Variants in WIPI1 observed in about 807,000 individuals in gnomAD.
The protein encoded by WIPI1 is WD repeat domain phosphoinositide-interacting protein 1.
WIPI1 carries 45 observed loss-of-function variants against 55.3 expected under a neutral mutation model. The ratio of observed to expected loss-of-function variants is 0.81; its 90% confidence interval spans 0.64 to 1.04. The LOEUF is 1.04. Among genes scored for constraint, WIPI1 ranks in the 50% least tolerant of loss-of-function variants. WIPI1 has a pLI of 0.00. For synonymous variants in WIPI1, 195 were observed against 217.6 expected (o/e 0.90, Z 0.92); for missense variants, 445 against 559.0 (o/e 0.80, Z 2.06).
intron 4 of WIPI1, chr17:68,440,910 A>C (rs1428672834): frequency 6.6e-6 from 1 of 152,256 alleles, no homozygotes; most frequent in Non-Finnish European, 1.5e-5. Flanking sequence ...AAAAATAGAA[A>C]GACATCTTCT....
chr17:68,433,569 C>T lies in WIPI1; in HGVS notation c.699G>A (p.Val233=), dbSNP rs1291343967. The T allele has an allele frequency of 1.9e-6, 3 of 1,613,450 alleles. No homozygotes were observed. Among genetic ancestry groups the T allele is most frequent in the Admixed American group, 1.7e-5 (1 of 59,936 alleles). Residue 233 remains valine, a synonymous_variant, in exon 8 of 13, where the codon GTG becomes GTA. Coordinates refer to ENST00000262139, the MANE Select transcript of WIPI1 (RefSeq NM_017983.7). ...YEFRRGMKRY[V]TISSLVFSMD... ...TACTGAACACTAGAGAGCTGATTGT[C>T]ACATACCTACAAGCACAGCAACACA...
At position 68,447,959 on chromosome 17, in the gene WIPI1, T is replaced by C. The variant is rs895253184; in HGVS notation, c.333+2769A>G. Among the ~76,000 whole-genome samples, 64 of 130,414 alleles carry C rather than the reference T, an allele frequency of 4.9e-4. 1 individual carries two copies. The highest frequency in any genetic ancestry group is 1.7e-3 in the African/African-American group (59 of 33,752). 85.6% of individuals were successfully genotyped at this position (130,414 alleles called of 152,430 possible). On this transcript the variant is annotated intron_variant, in intron 3 of 12. Transcript: ENST00000262139. ...GGTGAGCTGAGACTGCACTCCAGCC[T>C]GGGCAACAGAGTGAGACTCTATCTC... is the stretch of plus-strand genomic sequence containing the variant.
intron 12 of WIPI1, chr17:68,424,585 A>G (rs756367908): frequency 3.6e-5 from 18 of 499,554 alleles, no homozygotes; most frequent in Admixed American, 2.2e-4. Context: ...TGGCCCAAAC[A>G]CTACTTCCGG....
chr17:68,439,592 C>G (rs1250391202), intron 4 of WIPI1, among the ~76,000 whole-genome samples: 3 of 152,162 alleles, frequency 2.0e-5, no homozygotes, highest in Non-Finnish European at 4.4e-5. Context: ...GCTATTGAAC[C>G]ATGCATTTTA....
chr17:68,426,160 C>T lies in WIPI1; in HGVS notation c.1208G>A (p.Gly403Asp). ...AATAACTTCTCCTCGCAGCGCCCCG[C>T]CGTCCTCAGAATAACCTGGAAACCA... is the stretch of plus-strand genomic sequence containing the variant. The part of the protein sequence containing the change: ...ASTVPGYSED[G>D]GALRGEVIPE... Residue 403 changes from glycine (G) to aspartate (D), a missense_variant, in exon 12 of 13, where the codon GGC (glycine) becomes GAC (aspartate). Transcript: ENST00000262139. 6.2e-7 allele frequency: 1 copy of T among 1,608,746 alleles called. No individual in the cohort carries two copies. The highest frequency in any genetic ancestry group is 1.1e-5 in the South Asian group (1 of 90,992).
Position 68,437,012 on chromosome 17 carries a change from A to ATGTGTGTGTGTG in WIPI1, c.431-534_431-533insCACACACACACA, listed in dbSNP as rs1568637117. ...CCGTCTCAAAAAAAAAAAAATATAT[A>ATGTGTGTGTGTG]TATATGTGTGTGTGTGTGTGTGTGT... On this transcript the variant is annotated intron_variant, in intron 4 of 12. Coordinates refer to ENST00000262139, the MANE Select transcript of WIPI1 (RefSeq NM_017983.7). Among the ~76,000 whole-genome samples, 701 of 82,008 alleles carry ATGTGTGTGTGTG rather than the reference A, an allele frequency of 8.5e-3. 7 individuals carry two copies. Among genetic ancestry groups the ATGTGTGTGTGTG allele is most frequent in the African/African-American group, 0.031 (653 of 20,854 alleles). The allele number at this position is 82,008 out of a possible 152,430, so 53.8% of individuals were successfully genotyped here. A position where few individuals can be genotyped will look rare whatever the true frequency, so the allele number is the denominator to read the frequency against.
At chr17:68,445,881 G>A (rs2084264374) in intron 3 of WIPI1, among the ~76,000 whole-genome samples, 2 of 152,288 alleles carry the variant, frequency 1.3e-5, no homozygotes, top group East Asian at 3.9e-4. Context: ...GATGCCCAAG[G>A]AGCTGCCCAA....
intron 3 of WIPI1, 40 bp downstream of exon 3, chr17:68,450,688 T>C (rs1568651352): frequency 1.3e-6 from 2 of 1,569,092 alleles, no homozygotes; most frequent in Admixed American, 1.9e-5. Flanking sequence ...TGGCTCCCGT[T>C]AGCAGAAGCT....
chr17:68,429,926 A>T, intron 9 of WIPI1, 70 bp downstream of exon 9: 1 of 1,600,382 alleles, frequency 6.2e-7, no homozygotes, highest in Non-Finnish European at 8.5e-7. Context: ...AGGTTTGGGG[A>T]TTTTTGTGCT....
chr17:68,440,378 C>T (rs866001098), intron 4 of WIPI1, among the ~76,000 whole-genome samples: 2 of 152,172 alleles, frequency 1.3e-5, no homozygotes, highest in South Asian at 4.1e-4. Context: ...CTGCCAGTCT[C>T]CTCTTTCTGT....
At chr17:68,453,919 G>A (rs2148001133) in intron 1 of WIPI1, among the ~76,000 whole-genome samples, 1 of 152,276 alleles carries the variant, frequency 6.6e-6, no homozygotes, top group Middle Eastern at 3.4e-3. Flanking sequence ...CAGCTGGGAA[G>A]TTTAATTGGA....
At chr17:68,451,666 T>C (rs1047803286) in intron 2 of WIPI1, among the ~76,000 whole-genome samples, 11 of 152,238 alleles carry the variant, frequency 7.2e-5, no homozygotes, top group Non-Finnish European at 1.2e-4. Context: ...CTTCTTGTCC[T>C]GCTAGAGGGG....
chr17:68,448,592 C>G (rs749970955), intron 3 of WIPI1, among the ~76,000 whole-genome samples: 46 of 152,218 alleles, frequency 3.0e-4, no homozygotes, highest in Non-Finnish European at 4.7e-4. Flanking sequence ...TTCCTTGTCC[C>G]ATTTGCTAAT....
At chr17:68,434,286 C>T (rs1468173008) in intron 7 of WIPI1, among the ~76,000 whole-genome samples, 1 of 152,202 alleles carries the variant, frequency 6.6e-6, no homozygotes, top group Non-Finnish European at 1.5e-5. Context: ...TTGTGACTCC[C>T]TGGCTCTCTC....
chr17:68,439,266 G>T (rs1446522514), intron 4 of WIPI1, among the ~76,000 whole-genome samples: 1 of 152,132 alleles, frequency 6.6e-6, no homozygotes, highest in Non-Finnish European at 1.5e-5. Context: ...AAGAAAATGT[G>T]ATATATTTTT....
intron 4 of WIPI1, among the ~76,000 whole-genome samples, chr17:68,444,248 T>G (rs1174538312): frequency 1.3e-5 from 2 of 152,212 alleles, no homozygotes; most frequent in African/African-American, 4.8e-5. Context: ...TTTGCTGATA[T>G]GGGTCCCAGA....
At position 68,434,049 on chromosome 17, in the gene WIPI1, C is replaced by T. The variant is rs536905489; in HGVS notation, c.693-474G>A. ...CCTCCCAGAGTGCTGGGATTACAGA[C>T]GTGAGCCACCGCGCCCGGCCCATAG... On this transcript the variant is annotated intron_variant, in intron 7 of 12. Coordinates refer to ENST00000262139, the MANE Select transcript of WIPI1 (RefSeq NM_017983.7). 7.9e-5 allele frequency among the ~76,000 whole-genome samples: 12 copies of T among 152,050 alleles called. 2 individuals are homozygous for T. The highest frequency in any genetic ancestry group is 2.2e-4 in the African/African-American group (9 of 41,468).
At chr17:68,439,917 C>T (rs1006779441) in intron 4 of WIPI1, among the ~76,000 whole-genome samples, 1 of 152,130 alleles carries the variant, frequency 6.6e-6, no homozygotes, top group Non-Finnish European at 1.5e-5. Context: ...GAGAGCTAAG[C>T]AGTCTTGGAG....
Position 68,421,575 on chromosome 17 carries a change from C to G in WIPI1, c.*198G>C. The G allele has an allele frequency of 3.1e-6, 2 of 649,232 alleles. No homozygotes were observed. 40.2% of individuals were successfully genotyped at this position (649,232 alleles called of 1,614,324 possible). On this transcript the variant is annotated 3_prime_UTR_variant, in exon 13 of 13. Coordinates refer to ENST00000262139, the MANE Select transcript of WIPI1 (RefSeq NM_017983.7). ...AAATAGCATGATGTGTATACAATGT[C>G]TCCCGCGCCCATTGGCAACCAGGGT...
Sources: allele counts gnomAD v4.1 joint callset (sites outside exome capture counted in the v4.1 genomes callset), GRCh38; gene constraint gnomAD v4.1.1; transcripts MANE v1.5; gene names NCBI Gene and HGNC (gene_info 2026-07-23, HGNC 2026-07-21).